GALNTL6: variants seen among roughly 807,000 people sequenced by gnomAD.
GALNTL6 encodes the protein polypeptide N-acetylgalactosaminyltransferase-like 6.
In GALNTL6, 46 loss-of-function variants were observed where a neutral mutation model predicts 73.7. The ratio of observed to expected loss-of-function variants is 0.62; its 90% CI spans 0.49 to 0.80. GALNTL6 has a LOEUF of 0.80. Among genes scored for constraint, GALNTL6 ranks in the 30% least tolerant of loss-of-function variants. GALNTL6 has a pLI of 0.00. For synonymous variants in GALNTL6, 259 were observed against 263.7 expected (o/e 0.98, Z 0.17); for missense variants, 604 against 755.0 (o/e 0.80, Z 2.34).
intron 5 of GALNTL6, among the ~76,000 whole-genome samples, chr4:172,805,348 A>G (rs1477201204): frequency 1.3e-5 from 2 of 152,226 alleles, no homozygotes; most frequent in African/African-American, 4.8e-5. Flanking sequence ...AGGAAAATAC[A>G]TTCTACAAAA....
intron 9 of GALNTL6, among the ~76,000 whole-genome samples, chr4:172,936,892 T>C (rs1355390468): frequency 6.6e-6 from 1 of 152,120 alleles, no homozygotes; most frequent in Admixed American, 6.5e-5. Context: ...GGATAGAGGT[T>C]AAATGGTAAA....
chr4:172,324,405 T>C lies in GALNTL6; in HGVS notation c.386+12653T>C, dbSNP rs199911228. On this transcript the variant is annotated intron_variant, in intron 4 of 12. Transcript: ENST00000506823. ...AATAAATTCACTTAATTTTGAGGGC[T>C]CTAAGAGTCATGACTTTAAATACTA... 8.0e-4 allele frequency among the ~76,000 whole-genome samples: 121 copies of C among 151,954 alleles called. 2 individuals are homozygous for C. In the South Asian group the frequency reaches 0.016, roughly 20 times the overall value.
intron 2 of GALNTL6, among the ~76,000 whole-genome samples, chr4:172,040,791 T>C (rs1003048916): frequency 8.5e-5 from 13 of 152,096 alleles, no homozygotes; most frequent in African/African-American, 3.1e-4. Context: ...TTTGCATGCA[T>C]TGCTTTCACA....
chr4:172,905,494 C>T (rs1746835953), intron 8 of GALNTL6, among the ~76,000 whole-genome samples: 1 of 152,058 alleles, frequency 6.6e-6, no homozygotes, highest in Admixed American at 6.6e-5. Context: ...GAGTACAGAG[C>T]ATTTAGTTCT....
intron 5 of GALNTL6, among the ~76,000 whole-genome samples, chr4:172,678,495 G>A (rs577129384): frequency 1.6e-4 from 25 of 152,196 alleles, no homozygotes; most frequent in Admixed American, 8.5e-4. Flanking sequence ...ACAGGCATGC[G>A]CCACCATGCC....
At chr4:172,718,466 T>TAA (rs112535848) in intron 5 of GALNTL6, among the ~76,000 whole-genome samples, 161 of 148,906 alleles carry the variant, frequency 1.1e-3, no homozygotes, top group African/African-American at 3.8e-3. Context: ...ACCCTGTCTC[T>TAA]AAAAAAAAAA....
rs199882681 is a variant in GALNTL6 at position 172,171,735 on chromosome 4, G to A, written c.139-57921G>A. 3.9e-5 allele frequency among the ~76,000 whole-genome samples: 6 copies of A among 152,036 alleles called. No homozygotes were observed. The East Asian group carries it at 1.2e-3, about 29-fold the overall frequency. On this transcript the variant is annotated intron_variant, in intron 2 of 12. Transcript: ENST00000506823. Reference sequence around the variant, plus strand: ...TGTCTGTGGTCCCAGCTATGTGGGAGGATTGCTTGAGCCTGGAAGGCACAC... The same window carrying A: ...TGTCTGTGGTCCCAGCTATGTGGGAAGATTGCTTGAGCCTGGAAGGCACAC...
intron 2 of GALNTL6, among the ~76,000 whole-genome samples, chr4:172,081,471 C>G (rs546656107): frequency 2.6e-5 from 4 of 152,154 alleles, no homozygotes; most frequent in Non-Finnish European, 5.9e-5. Flanking sequence ...AACCCCGTCT[C>G]TACTAAAAAT....
At chr4:172,722,507 CCT>C (rs1735539879) in intron 5 of GALNTL6, among the ~76,000 whole-genome samples, 1 of 151,854 alleles carries the variant, frequency 6.6e-6, no homozygotes, top group Admixed American at 6.6e-5. Flanking sequence ...AGTGAGTCTC[CCT>C]CTCTCTTTCT....
chr4:172,724,716 A>G (rs1199759130), intron 5 of GALNTL6, among the ~76,000 whole-genome samples: 1 of 152,218 alleles, frequency 6.6e-6, no homozygotes, highest in Admixed American at 6.5e-5. Context: ...CCAAGTACTA[A>G]AGAATCAGTT....
chr4:172,210,757 T>G (rs753939268), intron 2 of GALNTL6, among the ~76,000 whole-genome samples: 1 of 152,160 alleles, frequency 6.6e-6, no homozygotes, highest in Non-Finnish European at 1.5e-5. Flanking sequence ...ACTTAAGGAA[T>G]AAAGAGTTAC....
intron 3 of GALNTL6, among the ~76,000 whole-genome samples, chr4:172,242,223 GT>G (rs372908210): frequency 4.5e-4 from 68 of 152,036 alleles, no homozygotes; most frequent in African/African-American, 1.6e-3. Context: ...TTGGATAACT[GT>G]TTTCTAAATA....
At chr4:171,839,046 A>G (rs538393572) in intron 2 of GALNTL6, among the ~76,000 whole-genome samples, 8 of 152,162 alleles carry the variant, frequency 5.3e-5, no homozygotes, top group African/African-American at 7.2e-5. Context: ...TGAAGCTTAA[A>G]CATAAATAAA....
chr4:172,302,090 C>T (rs557627182), intron 3 of GALNTL6, among the ~76,000 whole-genome samples: 23 of 152,208 alleles, frequency 1.5e-4, no homozygotes, highest in Admixed American at 1.0e-3. Flanking sequence ...TCCCCAGCCT[C>T]GCTGCTGCCT....
chr4:172,834,252 G>C (rs1327728704), intron 7 of GALNTL6, among the ~76,000 whole-genome samples: 2 of 152,202 alleles, frequency 1.3e-5, no homozygotes, highest in Admixed American at 1.3e-4. Flanking sequence ...GTTACCTCTG[G>C]ACTGGAAAGT....
chr4:171,846,106 T>A (rs983470753), intron 2 of GALNTL6, among the ~76,000 whole-genome samples: 1 of 152,292 alleles, frequency 6.6e-6, no homozygotes, highest in African/African-American at 2.4e-5. Flanking sequence ...ATTTTAAAAA[T>A]TTTTATTCAT....
At chr4:172,767,099 A>G (rs1404820975) in intron 5 of GALNTL6, among the ~76,000 whole-genome samples, 3 of 152,202 alleles carry the variant, frequency 2.0e-5, no homozygotes, top group African/African-American at 4.8e-5. Flanking sequence ...GAGCTAAAGA[A>G]TATTGCATGA....
intron 7 of GALNTL6, among the ~76,000 whole-genome samples, chr4:172,840,345 C>T (rs1478437091): frequency 2.0e-5 from 3 of 152,170 alleles, no homozygotes; most frequent in Non-Finnish European, 4.4e-5. Flanking sequence ...TCAGTGGAAT[C>T]GATTGTAGGC....
chr4:172,357,262 G>A (rs2200257), intron 5 of GALNTL6, among the ~76,000 whole-genome samples: 35,471 of 152,034 alleles, frequency 0.23, 4,736 homozygotes, highest in East Asian at 0.36. Flanking sequence ...CTGATGTGCC[G>A]TAGAATTTAT....
Sources: allele counts gnomAD v4.1 joint callset (sites outside exome capture counted in the v4.1 genomes callset), GRCh38; gene constraint gnomAD v4.1.1; transcripts MANE v1.5; gene names NCBI Gene and HGNC (gene_info 2026-07-23, HGNC 2026-07-21).